PARP16: variants seen among roughly 807,000 people sequenced by gnomAD.
PARP16 encodes the protein poly(ADP-ribose) polymerase family member 16, also known as protein mono-ADP-ribosyltransferase PARP16.
In PARP16, 31 loss-of-function variants were observed where a neutral mutation model predicts 35.0. The observed-to-expected ratio is 0.88, with a 90% CI of 0.66 to 1.19. The LOEUF is 1.19. Among genes scored for constraint, PARP16 ranks in the 50% most tolerant of loss-of-function variants. The pLI is 0.00. For missense variants in PARP16, 424 were observed against 411.2 expected, an observed-to-expected ratio of 1.03 and a Z score of -0.27; for synonymous variants, 162 against 169.5, an observed-to-expected ratio of 0.96 and a Z score of 0.34.
intron 3 of PARP16, among the ~76,000 whole-genome samples, chr15:65,265,008 A>C (rs1190693652): frequency 1.3e-5 from 2 of 152,246 alleles, no homozygotes; most frequent in African/African-American, 4.8e-5. Flanking sequence ...GAATTCCAGT[A>C]GCCTGGACAT....
At chr15:65,252,106 C>T (rs1011711345) in intron 2 of PARP16, among the ~76,000 whole-genome samples, 1 of 152,134 alleles carries the variant, frequency 6.6e-6, no homozygotes, top group Non-Finnish European at 1.5e-5. Context: ...TGGGAGAAGG[C>T]AACTCACTAA....
At chr15:65,245,465 T>C (rs1403999283) in intron 3 of PARP16, among the ~76,000 whole-genome samples, 2 of 152,154 alleles carry the variant, frequency 1.3e-5, no homozygotes, top group East Asian at 1.9e-4. Context: ...AGGCTTTGGA[T>C]AGAAGCTGGA....
chr15:65,233,182 G>A (rs2088800958), downstream of PARP16, among the ~76,000 whole-genome samples: 1 of 152,178 alleles, frequency 6.6e-6, no homozygotes, highest in Non-Finnish European at 1.5e-5. Flanking sequence ...GGGAGGCCGA[G>A]GTGGGCGGAT....
At chr15:65,250,107 CTTTTTTTT>C (rs71136331) in intron 2 of PARP16, among the ~76,000 whole-genome samples, 7 of 87,144 alleles carry the variant, frequency 8.0e-5, no homozygotes, top group South Asian at 3.5e-4. Flanking sequence ...ACCTGCTTGC[CTTTTTTTT>C]TTTTTTTTTT....
At position 65,285,845 on chromosome 15, in the gene PARP16, C is replaced by T. The variant is rs546686545; in HGVS notation, c.174+408G>A. ...GCCCATAGATCACCTCATCTGAAGA[C>T]CAATGTCTGGGCGGCTTTGGTGACT... On this transcript the variant is annotated intron_variant, in intron 1 of 5. Coordinates refer to ENST00000649807, the MANE Select transcript of PARP16 (RefSeq NM_001316943.2). Among the ~76,000 whole-genome samples the T allele has an allele frequency of 2.6e-5, 4 of 152,296 alleles. No homozygotes were observed. The South Asian group carries it at 8.3e-4, about 32-fold the overall frequency.
chr15:65,261,110 C>T (rs2089697321), intron 4 of PARP16, 84 bp from the exon 5 acceptor site: 1 of 1,360,410 alleles, frequency 7.4e-7, no homozygotes. Context: ...GTCAAGCCTC[C>T]TGGTGCTGAG....
At position 65,258,757 on chromosome 15, in the gene PARP16, T is replaced by C. The variant is rs1041423440; in HGVS notation, c.*650A>G. ...AGTTTTCTCATCTTGAGTTGCTCATTAAGTCTGTATTTTTTATCAGGCCCC... is the reference window on the plus strand; with the variant it reads ...AGTTTTCTCATCTTGAGTTGCTCATCAAGTCTGTATTTTTTATCAGGCCCC... On this transcript the variant is annotated 3_prime_UTR_variant, in exon 6 of 6. Transcript: ENST00000649807. The C allele has an allele frequency of 2.0e-5, 3 of 152,790 alleles. No homozygotes were observed. The highest frequency in any genetic ancestry group is 4.4e-5 in the Non-Finnish European group (3 of 68,030). The allele number at this position is 152,790 out of a possible 1,614,324, so 9.5% of individuals were successfully genotyped here. A position where few individuals can be genotyped will look rare whatever the true frequency, so the allele number is the denominator to read the frequency against.
chr15:65,267,820 G>C (rs1046288252), intron 2 of PARP16, among the ~76,000 whole-genome samples: 4 of 149,816 alleles, frequency 2.7e-5, no homozygotes, highest in Non-Finnish European at 4.4e-5. Context: ...CTCCGGAGTA[G>C]CTGGGATTAC....
intron 1 of PARP16, among the ~76,000 whole-genome samples, chr15:65,280,055 C>CAAT (rs987268271): frequency 1.9e-4 from 29 of 151,268 alleles, no homozygotes; most frequent in African/African-American, 3.9e-4. Flanking sequence ...TCTTTTAATC[C>CAAT]AATAATAATA....
downstream of PARP16, among the ~76,000 whole-genome samples, chr15:65,253,133 CA>C (rs548065703): frequency 1.1e-3 from 91 of 84,840 alleles, no homozygotes; most frequent in East Asian, 2.2e-3. Flanking sequence ...AACTCCGTCT[CA>C]AAAAAAAAAA....
At chr15:65,235,765 C>T (rs2088863056) in intron 3 of PARP16, among the ~76,000 whole-genome samples, 1 of 150,522 alleles carries the variant, frequency 6.6e-6, no homozygotes, top group African/African-American at 2.5e-5. Context: ...TGTTTAATCG[C>T]TCAACTTACC....
intron 2 of PARP16, among the ~76,000 whole-genome samples, chr15:65,251,525 C>A (rs1412805559): frequency 6.6e-6 from 1 of 150,750 alleles, no homozygotes; most frequent in African/African-American, 2.4e-5. Flanking sequence ...GTGTTGGCAT[C>A]AGTCTGAGAC....
intron 1 of PARP16, among the ~76,000 whole-genome samples, chr15:65,280,362 G>A (rs529430080): frequency 2.6e-5 from 4 of 151,166 alleles, no homozygotes; most frequent in East Asian, 1.9e-4. Flanking sequence ...GCTTGAGCCC[G>A]GGAGGCAGAG....
Position 65,239,659 on chromosome 15 carries a change from C to T in PARP16, c.*98-4836G>A, listed in dbSNP as rs1214047817. On this transcript the variant is annotated intron_variant and NMD_transcript_variant, in intron 3 of 3. Coordinates refer to the PARP16 transcript ENST00000559805. ...GATAGAAAATAGTATGTAATTTTTTCTTTTTTTTTTTTTTTGAGGCAGAGT... is the reference window on the plus strand; with the variant it reads ...GATAGAAAATAGTATGTAATTTTTTTTTTTTTTTTTTTTTTGAGGCAGAGT... Among the ~76,000 whole-genome samples, 10 of 129,360 alleles carry T rather than the reference C, an allele frequency of 7.7e-5. No homozygotes were observed. The East Asian group carries it at 9.6e-4, about 12-fold the overall frequency. The allele number at this position is 129,360 out of a possible 152,430, so 84.9% of individuals were successfully genotyped here. A position where few individuals can be genotyped will look rare whatever the true frequency, so the allele number is the denominator to read the frequency against.
intron 3 of PARP16, among the ~76,000 whole-genome samples, chr15:65,264,484 G>T (rs1226925110): frequency 6.6e-6 from 1 of 152,212 alleles, no homozygotes; most frequent in African/African-American, 2.4e-5. Flanking sequence ...CTTTTCAGTA[G>T]CACCAGGCTT....
chr15:65,233,179 CG>C, downstream of PARP16, among the ~76,000 whole-genome samples: 1 of 152,122 alleles, frequency 6.6e-6, no homozygotes, highest in East Asian at 1.9e-4. Flanking sequence ...TTTGGGAGGC[CG>C]AGGTGGGCGG....
intron 3 of PARP16, among the ~76,000 whole-genome samples, chr15:65,243,579 G>C (rs1296958478): frequency 6.6e-6 from 1 of 152,148 alleles, no homozygotes; most frequent in Non-Finnish European, 1.5e-5. Flanking sequence ...TTTGGTATCA[G>C]GGTAAGGCTG....
chr15:65,246,826 A>G (rs2089221554), intron 3 of PARP16, among the ~76,000 whole-genome samples: 1 of 152,168 alleles, frequency 6.6e-6, no homozygotes, highest in Non-Finnish European at 1.5e-5. Flanking sequence ...CCCACCCCCA[A>G]CCACCATAGG....
At chr15:65,239,955 C>CTTTTTTTATTTTTTTTTTTTTT (rs2089005457) in intron 3 of PARP16, among the ~76,000 whole-genome samples, 1 of 81,750 alleles carries the variant, frequency 1.2e-5, no homozygotes, top group African/African-American at 5.8e-5. Flanking sequence ...CGCGTCTGAC[C>CTTTTTTTATTTTTTTTTTTTTT]TTTTTTTTTT....
Sources: gnomAD v4.1 joint callset for allele counts (sites outside exome capture counted in the v4.1 genomes callset) on GRCh38, gnomAD v4.1.1 for gene constraint, MANE v1.5 for transcripts, NCBI Gene and HGNC (gene_info 2026-07-23, HGNC 2026-07-21) for gene names.